The following MNAT1 variants were observed in gnomAD, a reference collection of about 807,000 sequenced individuals.
MNAT1 encodes MNAT1 component of CDK activating kinase.
MNAT1 carries 43 observed loss-of-function variants against 42.0 expected under a neutral mutation model. That is an observed-to-expected ratio of 1.02 (90% CI 0.80 to 1.32). The LOEUF is 1.32. MNAT1 is among the 40% of genes most tolerant of loss of function. The pLI is 0.00. For missense variants in MNAT1, 306 were observed against 350.4 expected (o/e 0.87, Z 1.01); for synonymous variants, 118 against 120.0 (o/e 0.98, Z 0.11).
In MNAT1 at chr14:60,844,729, CT is replaced by C. The variant is rs139309044; in HGVS notation, c.687+25886del. ...CCACCTAAGAGAGAAATCATTTAGT[CT>C]TTTGACATTATATGTCATACTAGCT... is the stretch of plus-strand genomic sequence containing the variant. On this transcript the variant is annotated intron_variant, in intron 6 of 7. Coordinates refer to ENST00000261245, the MANE Select transcript of MNAT1 (RefSeq NM_002431.4). Among the ~76,000 whole-genome samples, 226 of 152,100 alleles carry C rather than the reference CT, an allele frequency of 1.5e-3. 1 individual carries two copies. The highest frequency in any genetic ancestry group is 2.8e-3 in the Admixed American group (43 of 15,278).
intron 5 of MNAT1, among the ~76,000 whole-genome samples, chr14:60,812,430 C>T (rs535418183): frequency 2.6e-5 from 4 of 152,272 alleles, no homozygotes; most frequent in Non-Finnish European, 4.4e-5. Flanking sequence ...GTTTTGATAG[C>T]GACAGGAGGC....
chr14:60,764,763 T>G (rs1328812323), intron 1 of MNAT1, among the ~76,000 whole-genome samples: 2 of 152,150 alleles, frequency 1.3e-5, no homozygotes, highest in African/African-American at 2.4e-5. Flanking sequence ...GGCAAATAAA[T>G]AAATTAGCAA....
At chr14:60,815,978 C>T (rs2032702652) in intron 5 of MNAT1, among the ~76,000 whole-genome samples, 1 of 151,682 alleles carries the variant, frequency 6.6e-6, no homozygotes, top group Admixed American at 6.6e-5. Context: ...CTCTTGAATC[C>T]TTATTAACTA....
At chr14:60,750,529 CTTTTTTTTTTTTT>C (rs775053270) in intron 1 of MNAT1, among the ~76,000 whole-genome samples, 2 of 90,680 alleles carry the variant, frequency 2.2e-5, no homozygotes, top group East Asian at 5.9e-4. Context: ...TGCGCCCAGC[CTTTTTTTTTTTTT>C]TTTTTTTTTT....
chr14:60,874,808 T>TAA (rs2034403054), intron 6 of MNAT1, among the ~76,000 whole-genome samples: 2 of 152,156 alleles, frequency 1.3e-5, no homozygotes, highest in African/African-American at 4.8e-5. Flanking sequence ...TAAAAAACTT[T>TAA]TAAACACCCT....
At chr14:60,805,114 A>G (rs963744307) in intron 3 of MNAT1, among the ~76,000 whole-genome samples, 4 of 152,206 alleles carry the variant, frequency 2.6e-5, no homozygotes, top group African/African-American at 4.8e-5. Context: ...AGTTAAATCT[A>G]TAATTATAAA....
At chr14:60,878,156 G>A (rs1414230068) in intron 6 of MNAT1, among the ~76,000 whole-genome samples, 4 of 151,924 alleles carry the variant, frequency 2.6e-5, no homozygotes, top group Admixed American at 2.0e-4. Flanking sequence ...TGTACACAAG[G>A]GAACTTTAAA....
intron 7 of MNAT1, among the ~76,000 whole-genome samples, chr14:60,948,998 G>A (rs1226697012): frequency 6.6e-6 from 1 of 151,894 alleles, no homozygotes; most frequent in African/African-American, 2.4e-5. Flanking sequence ...CCTTACCCAT[G>A]ATTCTTCTCA....
intron 7 of MNAT1, among the ~76,000 whole-genome samples, chr14:60,913,132 T>C (rs908472939): frequency 1.3e-5 from 2 of 152,248 alleles, no homozygotes; most frequent in Non-Finnish European, 2.9e-5. Context: ...TACTGAGGCT[T>C]GTGCATTCAT....
At chr14:60,854,991 C>A (rs1018043326) in intron 6 of MNAT1, among the ~76,000 whole-genome samples, 5 of 152,158 alleles carry the variant, frequency 3.3e-5, no homozygotes, top group Admixed American at 1.3e-4. Flanking sequence ...TGGGCTGTTA[C>A]CTTTCTTTCA....
intron 7 of MNAT1, among the ~76,000 whole-genome samples, chr14:60,931,663 T>C (rs1021652785): frequency 6.6e-6 from 1 of 152,226 alleles, no homozygotes; most frequent in Non-Finnish European, 1.5e-5. Context: ...ACCTGAATTG[T>C]ATATTTAATA....
At chr14:60,935,827 A>C (rs1571388) in intron 7 of MNAT1, among the ~76,000 whole-genome samples, 135,369 of 152,146 alleles carry the variant, frequency 0.89, 61,200 homozygotes, top group Non-Finnish European at 0.99. Context: ...TAGATAAGGA[A>C]ATTGAACATC....
chr14:60,775,785 G>A (rs2031231062), intron 1 of MNAT1, among the ~76,000 whole-genome samples: 1 of 152,140 alleles, frequency 6.6e-6, no homozygotes, highest in South Asian at 2.1e-4. Context: ...ATAGTATGAG[G>A]CTAGGTCACT....
chr14:60,759,675 G>A (rs527676660), intron 1 of MNAT1, among the ~76,000 whole-genome samples: 1 of 152,172 alleles, frequency 6.6e-6, no homozygotes, highest in Non-Finnish European at 1.5e-5. Context: ...TCCTGTTGTT[G>A]TTTAAAAAGT....
intron 1 of MNAT1, among the ~76,000 whole-genome samples, chr14:60,748,891 A>G (rs1185841202): frequency 6.6e-6 from 1 of 152,162 alleles, no homozygotes; most frequent in Non-Finnish European, 1.5e-5. Flanking sequence ...ATTAACTATT[A>G]TGCACTGTGC....
rs1043400146 is a variant in MNAT1, at chr14:60,790,519, A to G, written c.90-5698A>G. ...GGAAGCCCCCACTTCGACTTGTCCC[A>G]CCTTACTGGACCAAACCGATGTACA... is the stretch of plus-strand genomic sequence containing the variant. On this transcript the variant is annotated intron_variant, in intron 1 of 7. Transcript: ENST00000261245. Among the ~76,000 whole-genome samples the G allele has an allele frequency of 3.9e-5, 6 of 152,132 alleles. No individual in the cohort carries two copies. In the East Asian group the frequency reaches 1.2e-3, roughly 29 times the overall value.
intron 6 of MNAT1, among the ~76,000 whole-genome samples, chr14:60,873,068 A>G (rs2034364410): frequency 6.6e-6 from 1 of 152,172 alleles, no homozygotes; most frequent in African/African-American, 2.4e-5. Flanking sequence ...CCCAGTCTAT[A>G]TTCAGATTTC....
chr14:60,775,627 T>C (rs531740256), intron 1 of MNAT1, among the ~76,000 whole-genome samples: 47 of 152,312 alleles, frequency 3.1e-4, no homozygotes, highest in African/African-American at 1.0e-3. Context: ...AAGTGGGATA[T>C]AGAGCATAAC....
intron 7 of MNAT1, among the ~76,000 whole-genome samples, chr14:60,891,830 G>A (rs4151306): frequency 0.013 from 1,980 of 152,086 alleles, 45 homozygotes; most frequent in African/African-American, 0.045. Flanking sequence ...TGTCCCATAC[G>A]TTTTGGTATG....
Sources: allele counts gnomAD v4.1 joint callset (sites outside exome capture counted in the v4.1 genomes callset), GRCh38; gene constraint gnomAD v4.1.1; transcripts MANE v1.5; gene names NCBI Gene and HGNC (gene_info 2026-07-23, HGNC 2026-07-21).